The following MTFR2 variants were observed in gnomAD, a reference collection of about 807,000 sequenced individuals.
MTFR2 encodes DUF729 domain-containing protein 1.
Under a neutral mutation model 41.2 loss-of-function variants are expected in MTFR2, and 44 were observed. The ratio of observed to expected loss-of-function variants is 1.07; its 90% CI spans 0.84 to 1.37. The LOEUF is 1.37. Among genes scored for constraint, MTFR2 ranks in the 40% most tolerant of loss-of-function variants. MTFR2 has a pLI of 0.00. For synonymous variants in MTFR2, 141 were observed against 154.6 expected (o/e 0.91, Z 0.65); for missense variants, 452 against 459.5 (o/e 0.98, Z 0.15).
rs565254936 is a variant in MTFR2 at position 136,240,948 on chromosome 6, G to A, written c.514+496C>T. On this transcript the variant is annotated intron_variant, in intron 5 of 7. Transcript: ENST00000420702. Reference sequence around the variant, plus strand: ...CTACTAAAAATACAAAAAATTAGCCGAGCGTGGTGGCGGGCGCCTGTAGTC... The same window carrying A: ...CTACTAAAAATACAAAAAATTAGCCAAGCGTGGTGGCGGGCGCCTGTAGTC... Among the ~76,000 whole-genome samples, 22 of 152,222 alleles carry A rather than the reference G, an allele frequency of 1.4e-4. 1 individual carries two copies. Among genetic ancestry groups the A allele is most frequent in the South Asian group, 8.3e-4 (4 of 4,818 alleles).
At chr6:136,246,415 TG>T (rs1379674352) in intron 2 of MTFR2, among the ~76,000 whole-genome samples, 2 of 152,126 alleles carry the variant, frequency 1.3e-5, no homozygotes, top group Non-Finnish European at 2.9e-5. Context: ...CTGGAGTAGC[TG>T]GGACCACAGG....
chr6:136,247,496 G>A (rs1340539588), intron 2 of MTFR2: 1 of 456,152 alleles, frequency 2.2e-6, no homozygotes, highest in Non-Finnish European at 4.4e-6. Flanking sequence ...CTCTCATGTG[G>A]ATCTTAAATT....
Position 136,242,978 on chromosome 6 carries a change from A to T in MTFR2, c.169-5T>A. ...AGAGTTCAAGAGCGGGATCAACTAA[A>T]GTAAAAAAAGAAAAAAATAGTCAGA... On this transcript the variant is annotated splice_region_variant and splice_polypyrimidine_tract_variant and intron_variant, in intron 3 of 7. Coordinates refer to ENST00000420702, the MANE Select transcript of MTFR2 (RefSeq NM_001099286.3). 6.3e-7 allele frequency: 1 copy of T among 1,588,760 alleles called. No individual in the cohort carries two copies. The highest frequency in any genetic ancestry group is 8.5e-7 in the Non-Finnish European group (1 of 1,172,444).
intron 2 of MTFR2, among the ~76,000 whole-genome samples, chr6:136,247,852 G>A (rs1780253784): frequency 6.6e-6 from 1 of 152,084 alleles, no homozygotes; most frequent in Non-Finnish European, 1.5e-5. Context: ...CGAAGTCCAT[G>A]GCTTTAAATA....
intron 6 of MTFR2, among the ~76,000 whole-genome samples, chr6:136,238,819 C>T (rs1264851087): frequency 9.2e-5 from 14 of 152,180 alleles, no homozygotes; most frequent in African/African-American, 2.9e-4. Context: ...GTAATCCCAG[C>T]GCTTTGGGAG....
intron 7 of MTFR2, among the ~76,000 whole-genome samples, chr6:136,232,962 A>G (rs1048808864): frequency 6.6e-6 from 1 of 152,210 alleles, no homozygotes; most frequent in African/African-American, 2.4e-5. Flanking sequence ...GCGTATTCAC[A>G]TTCCATATGG....
chr6:136,244,662 T>A, intron 3 of MTFR2, 103 bp downstream of exon 3: 1 of 780,528 alleles, frequency 1.3e-6, no homozygotes, highest in South Asian at 1.7e-5. Context: ...GGTTTTTGGC[T>A]TGCAGGAAAT....
intron 6 of MTFR2, 29 bp from the exon 7 acceptor site, chr6:136,233,528 A>G: frequency 6.2e-6 from 9 of 1,451,706 alleles, no homozygotes; most frequent in Non-Finnish European, 7.3e-6. Context: ...AATTGAATTT[A>G]TTAAAACTTG....
intron 6 of MTFR2, among the ~76,000 whole-genome samples, chr6:136,236,769 T>C (rs1288022228): frequency 1.3e-5 from 2 of 152,200 alleles, no homozygotes; most frequent in African/African-American, 4.8e-5. Flanking sequence ...CTGACTTATC[T>C]GTCCCAGGAC....
At chr6:136,233,953 G>A (rs1419580782) in intron 6 of MTFR2, among the ~76,000 whole-genome samples, 2 of 151,914 alleles carry the variant, frequency 1.3e-5, no homozygotes, top group Non-Finnish European at 2.9e-5. Flanking sequence ...TTATGCTTTG[G>A]GAGTATTCTG....
chr6:136,238,094 C>T (rs1779955137), intron 6 of MTFR2, among the ~76,000 whole-genome samples: 1 of 152,168 alleles, frequency 6.6e-6, no homozygotes, highest in South Asian at 2.1e-4. Flanking sequence ...GGGTACTTAT[C>T]CAAAAGAAGT....
At chr6:136,244,244 G>T (rs572712697) in intron 3 of MTFR2, among the ~76,000 whole-genome samples, 1 of 152,298 alleles carries the variant, frequency 6.6e-6, no homozygotes, top group Non-Finnish European at 1.5e-5. Flanking sequence ...ACCACTCACT[G>T]ACTCACCCAG....
At chr6:136,240,835 T>G (rs371444143) in intron 5 of MTFR2, among the ~76,000 whole-genome samples, 46 of 152,348 alleles carry the variant, frequency 3.0e-4, no homozygotes, top group Middle Eastern at 6.8e-3. Context: ...CTCACGCCTG[T>G]AATCCCAGCA....
chr6:136,244,432 A>G (rs1266556754), intron 3 of MTFR2, among the ~76,000 whole-genome samples: 1 of 152,224 alleles, frequency 6.6e-6, no homozygotes, highest in Non-Finnish European at 1.5e-5. Context: ...TTTGCAGACT[A>G]GAAGCAACAG....
chr6:136,233,918 G>A (rs184464414), intron 6 of MTFR2, among the ~76,000 whole-genome samples: 1 of 151,752 alleles, frequency 6.6e-6, no homozygotes, highest in Admixed American at 6.6e-5. Context: ...TTCATTGAAT[G>A]CCCACTACCA....
In MTFR2 at chr6:136,244,863, G is replaced by A; in HGVS notation, c.70C>T (p.Leu24=). 1 of 1,601,170 alleles carries A rather than the reference G, an allele frequency of 6.2e-7. No homozygotes were observed. Among genetic ancestry groups the A allele is most frequent in the Non-Finnish European group, 8.5e-7 (1 of 1,172,392 alleles). Residue 24 remains leucine (L), a synonymous_variant, in exon 3 of 8, where the codon CTG becomes TTG. Coordinates refer to ENST00000420702, the MANE Select transcript of MTFR2 (RefSeq NM_001099286.3). ...YFGVPVEQVL[L]IWENKDYGST... ...CCATAGTCTTTATTTTCCCAAATCA[G>A]CAAAACCTATTTTAAACATAAAGTA...
intron 6 of MTFR2, among the ~76,000 whole-genome samples, chr6:136,238,235 C>G (rs78833069): frequency 1.5e-4 from 23 of 152,272 alleles, no homozygotes; most frequent in African/African-American, 5.5e-4. Flanking sequence ...TATATACATA[C>G]AATATACAGC....
At chr6:136,249,754 T>A (rs947612017) in intron 1 of MTFR2, among the ~76,000 whole-genome samples, 5 of 152,172 alleles carry the variant, frequency 3.3e-5, no homozygotes, top group African/African-American at 9.7e-5. Context: ...AAAATGTGAC[T>A]TTGCTACTCA....
At position 136,239,542 on chromosome 6, in the gene MTFR2, G is replaced by A; in HGVS notation, c.793C>T (p.Gln265Ter). Residue 265 changes from glutamine (Q) to a stop codon, truncating the protein, a stop_gained, in exon 6 of 8, where the codon CAG (glutamine) becomes TAG (stop). Transcript: ENST00000420702. LOFTEE classifies it high-confidence loss of function. The part of the protein sequence containing the change: ...KTNYSHHSKS[Q>*]RNKDIPNMLD... ...ATGTTTGGAATATCTTTATTTCTCT[G>A]GCTTTTTGAATGATGACTATAATTG... 1 of 1,614,058 alleles carries A rather than the reference G, an allele frequency of 6.2e-7. No homozygotes were observed. The highest frequency in any genetic ancestry group is 8.5e-7 in the Non-Finnish European group (1 of 1,179,992).
Sources: allele counts gnomAD v4.1 joint callset (sites outside exome capture counted in the v4.1 genomes callset), GRCh38; gene constraint gnomAD v4.1.1; transcripts MANE v1.5; gene names NCBI Gene and HGNC (gene_info 2026-07-23, HGNC 2026-07-21).